The following NUP88 variants were observed in gnomAD, a reference collection of about 807,000 sequenced individuals.
NUP88 encodes nucleoporin 88, also known as nuclear pore complex protein Nup88.
A neutral mutation model predicts 93.9 loss-of-function variants in NUP88; 57 were observed. The ratio of observed to expected loss-of-function variants is 0.61; its 90% CI spans 0.49 to 0.76. NUP88 has a LOEUF of 0.76. Among genes scored for constraint, NUP88 ranks in the 30% least tolerant of loss-of-function variants. The pLI is 0.00. For synonymous variants in NUP88, 346 were observed against 336.8 expected, an observed-to-expected ratio of 1.03 and a Z score of -0.30; for missense variants, 911 against 901.0, an observed-to-expected ratio of 1.01 and a Z score of -0.14.
At chr17:5,414,437 T>C in intron 2 of NUP88, among the ~76,000 whole-genome samples, 1 of 151,924 alleles carries the variant, frequency 6.6e-6, no homozygotes. Flanking sequence ...TCAGGTGATC[T>C]GCCCACCTCG....
At chr17:5,386,915 T>C (rs931050976) in intron 15 of NUP88, 69 bp downstream of exon 15, 10 of 1,597,770 alleles carry the variant, frequency 6.3e-6, no homozygotes, top group Non-Finnish European at 8.5e-6. Context: ...TACATTTTTG[T>C]AAAATTTTCT....
chr17:5,390,181 AT>A (rs1186791327), intron 10 of NUP88, among the ~76,000 whole-genome samples: 63 of 147,832 alleles, frequency 4.3e-4, no homozygotes, highest in South Asian at 1.1e-3. Context: ...AAAAAAAAAA[AT>A]ATCCAGACAA....
intron 1 of NUP88, among the ~76,000 whole-genome samples, chr17:5,417,245 C>A (rs926108521): frequency 1.3e-5 from 2 of 152,176 alleles, no homozygotes; most frequent in Admixed American, 1.3e-4. Flanking sequence ...AGATAGTCAC[C>A]AATATTTACT....
chr17:5,392,049 A>G (rs1912473819), intron 9 of NUP88, among the ~76,000 whole-genome samples: 1 of 152,240 alleles, frequency 6.6e-6, no homozygotes, highest in Non-Finnish European at 1.5e-5. Context: ...AATGAGGCCC[A>G]ATGTCAATGT....
intron 10 of NUP88, 104 bp from the exon 11 acceptor site, chr17:5,389,064 G>T: frequency 1.1e-6 from 1 of 892,038 alleles, no homozygotes; most frequent in Non-Finnish European, 1.6e-6. Flanking sequence ...ATAAAATAAA[G>T]TGTAACTTTT....
intron 8 of NUP88, among the ~76,000 whole-genome samples, chr17:5,397,605 A>T (rs1000189693): frequency 1.3e-5 from 2 of 152,220 alleles, no homozygotes; most frequent in African/African-American, 4.8e-5. Context: ...GCCCAGTGAG[A>T]ACCATGCAGG....
chr17:5,397,124 G>C (rs531412982), intron 8 of NUP88, among the ~76,000 whole-genome samples: 15 of 152,200 alleles, frequency 9.9e-5, no homozygotes, highest in Admixed American at 4.6e-4. Context: ...TGGATCATTT[G>C]AGCCCACGAG....
In NUP88 at chr17:5,411,042, G is replaced by A. The variant is rs1201315629; in HGVS notation, c.594-253C>T. On this transcript the variant is annotated intron_variant, in intron 3 of 16. Transcript: ENST00000573584. ...CTTTAACAGCCTATTCCATAACATC[G>A]CACCTCTGTCACTTCCGTCCTGAGC... Among the ~76,000 whole-genome samples the A allele has an allele frequency of 2.6e-5, 4 of 151,906 alleles. No individual in the cohort carries two copies. The East Asian group carries it at 5.8e-4, about 22-fold the overall frequency.
intron 5 of NUP88, among the ~76,000 whole-genome samples, chr17:5,406,055 T>C (rs1356950984): frequency 1.3e-5 from 2 of 152,218 alleles, no homozygotes; most frequent in Non-Finnish European, 2.9e-5. Context: ...ATACTTATTA[T>C]TGAGTGCTAG....
Position 5,419,584 on chromosome 17 carries a change from C to G in NUP88, c.67G>C (p.Val23Leu), listed in dbSNP as rs376180040. ...LWQTWLPNHV[V>L]FLRLREGLKN... ...AGTCCCTCCCGGAGCCGCAAGAACACGACGTGGTTAGGAAGCCAGGTCTGC... is the reference window on the plus strand; with the variant it reads ...AGTCCCTCCCGGAGCCGCAAGAACAGGACGTGGTTAGGAAGCCAGGTCTGC... Residue 23 changes from valine (V) to leucine (L), a missense_variant, in exon 1 of 17, where the codon GTG becomes CTG. Physicochemically the swap from Val to Leu is conservative, Grantham distance 32. Coordinates refer to ENST00000573584, the MANE Select transcript of NUP88 (RefSeq NM_002532.6). 6.2e-7 allele frequency: 1 copy of G among 1,608,034 alleles called. No homozygotes were observed. The highest frequency in any genetic ancestry group is 8.5e-7 in the Non-Finnish European group (1 of 1,176,008).
chr17:5,417,386 C>T (rs1914213900), intron 1 of NUP88, among the ~76,000 whole-genome samples: 1 of 152,130 alleles, frequency 6.6e-6, no homozygotes, highest in Non-Finnish European at 1.5e-5. Context: ...GAGGATCACT[C>T]GACCCCTGAC....
intron 8 of NUP88, among the ~76,000 whole-genome samples, chr17:5,399,028 A>G (rs1912974057): frequency 1.3e-5 from 2 of 151,772 alleles, no homozygotes; most frequent in South Asian, 4.2e-4. Context: ...AGCTGGGACT[A>G]CAGGCGCCCG....
At chr17:5,387,152 C>T in intron 14 of NUP88, 42 bp from the exon 15 acceptor site, 2 of 1,598,390 alleles carry the variant, frequency 1.3e-6, no homozygotes, top group Non-Finnish European at 8.5e-7. Context: ...AAGGTCTCTA[C>T]TAATTAGGAG....
intron 1 of NUP88, chr17:5,417,965 C>T (rs1273778465): frequency 6.6e-6 from 1 of 152,068 alleles, no homozygotes; most frequent in African/African-American, 2.4e-5. Flanking sequence ...CATGGCGAAA[C>T]CCCGTCTCTA....
chr17:5,386,140 G>A lies in NUP88; in HGVS notation c.*66C>T. 8.2e-7 allele frequency: 1 copy of A among 1,216,768 alleles called. No homozygotes were observed. The highest frequency in any genetic ancestry group is 1.4e-5 in the South Asian group (1 of 72,392). The allele number at this position is 1,216,768 out of a possible 1,614,324, so 75.4% of individuals were successfully genotyped here. A position where few individuals can be genotyped will look rare whatever the true frequency, so the allele number is the denominator to read the frequency against. ...TTTTATAAATTAGATAATTCTACCT[G>A]TTTTACAATATGGGTTTAAGCCTTC... On this transcript the variant is annotated 3_prime_UTR_variant, in exon 17 of 17. Transcript: ENST00000573584.
At chr17:5,399,830 A>G (rs1913032174) in intron 7 of NUP88, among the ~76,000 whole-genome samples, 180 bp from the exon 8 acceptor site, 1 of 152,190 alleles carries the variant, frequency 6.6e-6, no homozygotes, top group Admixed American at 6.5e-5. Context: ...AATTTCAAAT[A>G]TATTTTAAGT....
Position 5,387,053 on chromosome 17 carries a change from C to G in NUP88, c.1974G>C (p.Glu658Asp). 2 of 1,614,118 alleles carry G rather than the reference C, an allele frequency of 1.2e-6. No homozygotes were observed. The highest frequency in any genetic ancestry group is 2.2e-5 in the South Asian group (2 of 91,082). Reference protein sequence around the residue: ...HSELPVLSDSERDMKKELQLI... With the variant: ...HSELPVLSDSDRDMKKELQLI... ...GCTGTAATTCTTTCTTCATGTCTCG[C>G]TCACTATCAGAGAGAACTGGGAGCT... The change falls in exon 15 of 17, where the codon GAG becomes GAC. Residue 658 changes from glutamate to aspartate, a missense_variant. Glu to Asp is a conservative substitution (Grantham distance 45). Coordinates refer to ENST00000573584, the MANE Select transcript of NUP88 (RefSeq NM_002532.6).
At chr17:5,408,967 A>AAAAAC in intron 4 of NUP88, 58 bp from the exon 5 acceptor site, 1 of 1,450,544 alleles carries the variant, frequency 6.9e-7, no homozygotes, top group Admixed American at 2.5e-5. Context: ...AAGTAAAAAG[A>AAAAAC]AAAACAAAAC....
chr17:5,414,669 A>G (rs1914033125), intron 2 of NUP88, among the ~76,000 whole-genome samples: 1 of 152,140 alleles, frequency 6.6e-6, no homozygotes, highest in South Asian at 2.1e-4. Flanking sequence ...CGCCTATCTT[A>G]GCACTTTGGG....
Sources: allele counts gnomAD v4.1 joint callset (sites outside exome capture counted in the v4.1 genomes callset), GRCh38; gene constraint gnomAD v4.1.1; transcripts MANE v1.5; gene names NCBI Gene and HGNC (gene_info 2026-07-23, HGNC 2026-07-21).